The following HYKK variants were observed in gnomAD, a reference collection of about 807,000 sequenced individuals.
HYKK encodes the protein hydroxylysine kinase.
In HYKK, 19 loss-of-function variants were observed where a neutral mutation model predicts 29.7. That is an observed-to-expected ratio of 0.64 (90% CI 0.45 to 0.94). The LOEUF (loss-of-function observed/expected upper bound fraction) is 0.94. Among genes scored for constraint, HYKK ranks in the 40% least tolerant of loss-of-function variants. The pLI, the probability that HYKK is intolerant of heterozygous loss-of-function variation, is 0.00. For missense variants in HYKK, 390 were observed against 443.4 expected (o/e 0.88, Z 1.08); for synonymous variants, 152 against 158.1 (o/e 0.96, Z 0.29).
chr15:78,515,847 C>T (rs1258826232), intron 3 of HYKK, among the ~76,000 whole-genome samples: 4 of 152,110 alleles, frequency 2.6e-5, no homozygotes, highest in African/African-American at 9.7e-5. Flanking sequence ...CTCGGCCTCC[C>T]AAAGTGCTGG....
Position 78,513,347 on chromosome 15 carries a change from T to C in HYKK, c.259T>C (p.Phe87Leu). 1 of 1,614,208 alleles carries C rather than the reference T, an allele frequency of 6.2e-7. No individual in the cohort carries two copies. Among genetic ancestry groups the C allele is most frequent in the Non-Finnish European group, 8.5e-7 (1 of 1,180,042 alleles). ...TGAAGTGCAGAATCACATCATCATG[T>C]TTCTGAAAGCCGCTGGATTTCCAAC... is the stretch of plus-strand genomic sequence containing the variant. The part of the protein sequence containing the change: ...LIEVQNHIIM[F>L]LKAAGFPTAS... Residue 87 changes from phenylalanine (F) to leucine (L), a missense_variant, in exon 2 of 5, where the codon TTT (phenylalanine) becomes CTT (leucine). Physicochemically the swap from Phe to Leu is conservative, Grantham distance 22 (BLOSUM62 0). Coordinates refer to ENST00000388988, the MANE Select transcript of HYKK (RefSeq NM_001013619.4).
chr15:78,525,870 C>G (rs1377090857), intron 3 of HYKK, among the ~76,000 whole-genome samples: 1 of 152,108 alleles, frequency 6.6e-6, no homozygotes, highest in African/African-American at 2.4e-5. Flanking sequence ...GAGACTTTTT[C>G]TTTATATGTG....
At chr15:78,526,271 C>T (rs1260104369) in intron 3 of HYKK, among the ~76,000 whole-genome samples, 1 of 152,150 alleles carries the variant, frequency 6.6e-6, no homozygotes, top group Non-Finnish European at 1.5e-5. Context: ...GTGAACAAAA[C>T]AGACAAAAAA....
chr15:78,508,735 A>T (rs1371288512), intron 1 of HYKK, among the ~76,000 whole-genome samples: 1 of 151,992 alleles, frequency 6.6e-6, no homozygotes, highest in Non-Finnish European at 1.5e-5. Context: ...CACTGTCTCT[A>T]AAAAAATAAA....
At chr15:78,531,891 T>TA (rs548542633) in intron 4 of HYKK, among the ~76,000 whole-genome samples, 218 of 152,210 alleles carry the variant, frequency 1.4e-3, no homozygotes, top group African/African-American at 4.8e-3. Flanking sequence ...ATTTCAGAAA[T>TA]ACGTAGTTTA....
At chr15:78,536,863 A>C (rs983149582), downstream of HYKK, among the ~76,000 whole-genome samples, 1 of 152,190 alleles carries the variant, frequency 6.6e-6, no homozygotes, top group African/African-American at 2.4e-5. Flanking sequence ...CCCCCTCACC[A>C]ATATGGGTGG....
At chr15:78,508,974 G>A (rs2052044013) in intron 1 of HYKK, among the ~76,000 whole-genome samples, 1 of 150,400 alleles carries the variant, frequency 6.6e-6, no homozygotes, top group Non-Finnish European at 1.5e-5. Flanking sequence ...CTTGAGCCCA[G>A]GAGTTGGAAG....
Position 78,534,178 on chromosome 15 carries a change from G to C in HYKK, c.*508G>C, listed in dbSNP as rs2052339562. 1 of 151,238 alleles carries C rather than the reference G, an allele frequency of 6.6e-6. No individual in the cohort carries two copies. Among genetic ancestry groups the C allele is most frequent in the African/African-American group, 2.4e-5 (1 of 41,020 alleles). 9.4% of individuals were successfully genotyped at this position (151,238 alleles called of 1,614,324 possible). On this transcript the variant is annotated 3_prime_UTR_variant, in exon 5 of 5. Transcript: ENST00000388988. ...TTGTATAATGGATCGTGGTTGTGCAGTCATCTTGCCTGAGAGCTACTGAGG... is the reference window on the plus strand; with the variant it reads ...TTGTATAATGGATCGTGGTTGTGCACTCATCTTGCCTGAGAGCTACTGAGG...
chr15:78,533,499 T>G lies in HYKK; in HGVS notation c.951T>G (p.Leu317=). The change falls in exon 5 of 5, where the codon CTT becomes CTG. Residue 317 remains leucine (L), a synonymous_variant. Coordinates refer to ENST00000388988, the MANE Select transcript of HYKK (RefSeq NM_001013619.4). ...TATGCAGTCGTTTTTGTCAGTCACT[T>G]GTCATGGCTGCATACTCTTGCCAGC... ...LLVCSRFCQS[L]VMAAYSCQLY... is the part of the protein sequence containing the mutation. 1 of 1,614,252 alleles carries G rather than the reference T, an allele frequency of 6.2e-7. No individual in the cohort carries two copies. Among genetic ancestry groups the G allele is most frequent in the Non-Finnish European group, 8.5e-7 (1 of 1,180,044 alleles).
chr15:78,518,445 G>C (rs938335871), intron 3 of HYKK: 4 of 342,722 alleles, frequency 1.2e-5, no homozygotes, highest in Non-Finnish European at 2.4e-5. Flanking sequence ...AAAGTGCTGG[G>C]ATTATAGGTG....
At chr15:78,514,902 CTCTCTCTATATA>C in intron 2 of HYKK, 54 bp from the exon 3 acceptor site, 1 of 486,068 alleles carries the variant, frequency 2.1e-6, no homozygotes, top group Non-Finnish European at 3.0e-6. Flanking sequence ...CTCTCTCTCT[CTCTCTCTATATA>C]TATATATATA....
intron 1 of HYKK, among the ~76,000 whole-genome samples, chr15:78,512,290 T>C (rs1055710140): frequency 5.9e-5 from 9 of 152,166 alleles, no homozygotes; most frequent in Admixed American, 5.9e-4. Context: ...AAAAGATCAC[T>C]GTATTTGAAT....
intron 3 of HYKK, 22 bp from the exon 4 acceptor site, chr15:78,527,358 G>C: frequency 6.3e-7 from 1 of 1,599,370 alleles, no homozygotes; most frequent in Non-Finnish European, 8.6e-7. Context: ...AAGAGACTAA[G>C]AATATCTCGC....
At chr15:78,530,941 C>T (rs561043950) in intron 4 of HYKK, among the ~76,000 whole-genome samples, 148 of 152,238 alleles carry the variant, frequency 9.7e-4, no homozygotes, top group African/African-American at 3.3e-3. Flanking sequence ...GTGATCTCGG[C>T]TCACTGCAAC....
Position 78,515,002 on chromosome 15 carries a change from G to C in HYKK, c.372G>C (p.Arg124Ser), listed in dbSNP as rs745603341. ...SGSEIKSYLV[R>S]LLTYLPGRPI... ...CTGAAATCAAAAGCTACTTGGTGAG[G>C]CTGCTGACTTACCTCCCAGGAAGAC... Residue 124 changes from arginine (R) to serine (S), a missense_variant, in exon 3 of 5, where the codon AGG becomes AGC. Coordinates refer to ENST00000388988, the MANE Select transcript of HYKK (RefSeq NM_001013619.4). 1.3e-6 allele frequency: 2 copies of C among 1,592,258 alleles called. No homozygotes were observed. The highest frequency in any genetic ancestry group is 1.1e-5 in the South Asian group (1 of 88,202).
chr15:78,531,689 G>A (rs1847530), intron 4 of HYKK, among the ~76,000 whole-genome samples: 46,329 of 151,820 alleles, frequency 0.31, 8,338 homozygotes, highest in Non-Finnish European at 0.42. Flanking sequence ...CCACCACCAC[G>A]CTGGCTAAAT....
intron 4 of HYKK, among the ~76,000 whole-genome samples, chr15:78,529,694 T>C (rs1189409477): frequency 6.6e-6 from 1 of 152,252 alleles, no homozygotes; most frequent in Non-Finnish European, 1.5e-5. Flanking sequence ...TTGGCCTTTT[T>C]TCTATTGAAA....
intron 4 of HYKK, among the ~76,000 whole-genome samples, chr15:78,532,010 T>G (rs892702546): frequency 4.6e-5 from 7 of 152,342 alleles, no homozygotes; most frequent in Non-Finnish European, 8.8e-5. Context: ...GCATTATATT[T>G]AAAAGTTAAA....
rs1046206571 is a variant in HYKK, at chr15:78,535,654, G to C, written c.*1984G>C. On this transcript the variant is annotated 3_prime_UTR_variant, in exon 5 of 5. Transcript: ENST00000388988. ...TCTCTTATATTCAGTGAGCCCTACT[G>C]GTTTTTAGAATTGTAGAATTTTAGG... The C allele has an allele frequency of 6.6e-6, 1 of 152,032 alleles. No individual in the cohort carries two copies. Among genetic ancestry groups the C allele is most frequent in the African/African-American group, 2.4e-5 (1 of 41,412 alleles). The allele number at this position is 152,032 out of a possible 1,614,324, so 9.4% of individuals were successfully genotyped here.
Sources: allele counts gnomAD v4.1 joint callset (sites outside exome capture counted in the v4.1 genomes callset), GRCh38; gene constraint gnomAD v4.1.1; transcripts MANE v1.5; gene names NCBI Gene and HGNC (gene_info 2026-07-23, HGNC 2026-07-21).